LRBA: variants seen among roughly 807,000 people sequenced by gnomAD.
LRBA encodes LPS responsive beige-like anchor protein.
Under a neutral mutation model 330.0 loss-of-function variants are expected in LRBA, and 176 were observed. That is an observed-to-expected ratio of 0.53 (90% CI 0.47 to 0.60). The LOEUF (loss-of-function observed/expected upper bound fraction) is 0.60. Ranked by LOEUF, LRBA falls within the 20% of genes least tolerant of loss-of-function variation. The probability of loss-of-function intolerance (pLI) is 0.00; values close to 1 mark genes in which losing one functional copy is unlikely to be tolerated. For synonymous variants in LRBA, 1,230 were observed against 1,193.0 expected, an observed-to-expected ratio of 1.03 and a Z score of -0.64; for missense variants, 3,259 against 3,444.8, an observed-to-expected ratio of 0.95 and a Z score of 1.35.
At chr4:150,663,946 G>A (rs1781349807) in intron 37 of LRBA, among the ~76,000 whole-genome samples, 1 of 151,920 alleles carries the variant, frequency 6.6e-6, no homozygotes, top group African/African-American at 2.4e-5. Flanking sequence ...AGATAACATG[G>A]GAACAGAACT....
chr4:150,590,909 T>G (rs1308262484), intron 38 of LRBA, 50 bp from the exon 39 acceptor site: 1 of 1,590,202 alleles, frequency 6.3e-7, no homozygotes, highest in African/African-American at 1.3e-5. Flanking sequence ...GAAGAGCACT[T>G]CGGCAGAGGG....
intron 47 of LRBA, among the ~76,000 whole-genome samples, chr4:150,396,969 T>C (rs922153235): frequency 1.3e-5 from 2 of 152,194 alleles, no homozygotes; most frequent in African/African-American, 2.4e-5. Flanking sequence ...TTACTATTTA[T>C]TTCCATTATT....
chr4:150,548,122 C>A lies in LRBA; in HGVS notation c.6330+39926G>T, dbSNP rs532206638. Among the ~76,000 whole-genome samples the A allele has an allele frequency of 2.6e-4, 40 of 152,254 alleles. 1 individual carries two copies. Among genetic ancestry groups the A allele is most frequent in the Admixed American group, 1.9e-3 (29 of 15,292 alleles). On this transcript the variant is annotated intron_variant, in intron 40 of 56. Transcript: ENST00000651943. ...TGCAGCCTTAAAGCAGCAAGCACTG[C>A]CATAATACAAACATTTTTTTCAAAG...
chr4:150,670,424 T>C (rs961790119), intron 37 of LRBA, among the ~76,000 whole-genome samples: 33 of 152,248 alleles, frequency 2.2e-4, no homozygotes, highest in Non-Finnish European at 4.0e-4. Flanking sequence ...CTTTGGGATT[T>C]ATGTCCTTTT....
intron 37 of LRBA, among the ~76,000 whole-genome samples, chr4:150,623,782 C>T (rs1776552122): frequency 1.3e-5 from 2 of 151,860 alleles, no homozygotes; most frequent in Admixed American, 6.6e-5. Context: ...TGTTCCCCAC[C>T]TAGATAAGAA....
At chr4:150,771,241 G>A (rs1033748664) in intron 34 of LRBA, among the ~76,000 whole-genome samples, 4 of 152,104 alleles carry the variant, frequency 2.6e-5, no homozygotes, top group Admixed American at 2.6e-4. Context: ...TTGATTCCTG[G>A]ACCAATGAAT....
chr4:150,821,748 C>G (rs751962584), intron 30 of LRBA, among the ~76,000 whole-genome samples: 5 of 152,154 alleles, frequency 3.3e-5, no homozygotes, highest in Non-Finnish European at 5.9e-5. Context: ...AGTCCTTGAA[C>G]TTTATCAAGA....
In LRBA at chr4:150,307,149, TAA is replaced by T. The variant is rs1730458404; in HGVS notation, c.7849+3078_7849+3079del. Among the ~76,000 whole-genome samples the T allele has an allele frequency of 6.6e-5, 10 of 152,182 alleles. 1 individual carries two copies. The South Asian group carries it at 2.1e-3, about 32-fold the overall frequency. On this transcript the variant is annotated intron_variant, in intron 52 of 56. Coordinates refer to ENST00000651943, the MANE Select transcript of LRBA (RefSeq NM_001364905.1). Reference sequence around the variant, plus strand: ...ACAATAATATAGAATGTCAACAAACTAAAAACACTCAAATGTCAAAACCAAAG... The same window carrying T: ...ACAATAATATAGAATGTCAACAAACTAAACACTCAAATGTCAAAACCAAAG...
At chr4:150,536,739 T>C (rs28533051) in intron 40 of LRBA, among the ~76,000 whole-genome samples, 1 of 152,086 alleles carries the variant, frequency 6.6e-6, no homozygotes, top group African/African-American at 2.4e-5. Flanking sequence ...AAGAACACAA[T>C]CCCATTTATA....
At chr4:150,563,708 G>A (rs1768710463) in intron 40 of LRBA, among the ~76,000 whole-genome samples, 1 of 152,100 alleles carries the variant, frequency 6.6e-6, no homozygotes, top group Admixed American at 6.6e-5. Flanking sequence ...AAATCAATGT[G>A]CAAAAATCAC....
chr4:150,690,375 C>T (rs576185833), intron 36 of LRBA, among the ~76,000 whole-genome samples: 90 of 151,886 alleles, frequency 5.9e-4, no homozygotes, highest in Non-Finnish European at 1.8e-4. Context: ...TGGTGGCACA[C>T]GCCTGTAATC....
At chr4:150,539,717 C>G (rs1765113120) in intron 40 of LRBA, among the ~76,000 whole-genome samples, 1 of 152,138 alleles carries the variant, frequency 6.6e-6, no homozygotes, top group African/African-American at 2.4e-5. Context: ...TTGACCTGAA[C>G]ACTACTCAGT....
At chr4:150,681,398 C>CTA (rs1783046063) in intron 37 of LRBA, among the ~76,000 whole-genome samples, 1 of 151,754 alleles carries the variant, frequency 6.6e-6, no homozygotes, top group Non-Finnish European at 1.5e-5. Context: ...TTACATGGAC[C>CTA]TTAAAAGGAA....
chr4:150,634,528 T>C (rs1340700634), intron 37 of LRBA, among the ~76,000 whole-genome samples: 3 of 152,198 alleles, frequency 2.0e-5, no homozygotes, highest in Admixed American at 1.3e-4. Context: ...GCAGTATGAA[T>C]AGGGATGAAG....
At chr4:150,664,464 C>A (rs912456110) in intron 37 of LRBA, among the ~76,000 whole-genome samples, 1 of 152,158 alleles carries the variant, frequency 6.6e-6, no homozygotes. Context: ...CATTTCACTT[C>A]TTTATTTCTC....
chr4:150,592,532 T>C (rs1415966838), intron 38 of LRBA, among the ~76,000 whole-genome samples: 1 of 152,188 alleles, frequency 6.6e-6, no homozygotes, highest in Non-Finnish European at 1.5e-5. Flanking sequence ...AAATAAAATC[T>C]TTCATACTCA....
chr4:150,731,733 A>C (rs1560742942), intron 36 of LRBA, among the ~76,000 whole-genome samples: 1 of 152,168 alleles, frequency 6.6e-6, no homozygotes, highest in Non-Finnish European at 1.5e-5. Context: ...ACGATGATCT[A>C]TAGGTATAAA....
At chr4:150,712,313 G>C (rs1786302985) in intron 36 of LRBA, among the ~76,000 whole-genome samples, 1 of 152,088 alleles carries the variant, frequency 6.6e-6, no homozygotes. Context: ...CTCAACGTTT[G>C]AGTATCCAGT....
At chr4:150,774,614 T>C (rs940548334) in intron 34 of LRBA, among the ~76,000 whole-genome samples, 1 of 152,218 alleles carries the variant, frequency 6.6e-6, no homozygotes, top group African/African-American at 2.4e-5. Flanking sequence ...AATTGCCTCA[T>C]TGAGAAATCC....
Sources: gnomAD v4.1 joint callset for allele counts (sites outside exome capture counted in the v4.1 genomes callset) on GRCh38, gnomAD v4.1.1 for gene constraint, MANE v1.5 for transcripts, NCBI Gene and HGNC (gene_info 2026-07-23, HGNC 2026-07-21) for gene names.